VPS13A: variants seen among roughly 807,000 people sequenced by gnomAD.
VPS13A encodes the protein intermembrane lipid transfer protein VPS13A.
VPS13A carries 264 observed loss-of-function variants against 390.9 expected under a neutral mutation model. That is an observed-to-expected ratio of 0.68 (90% CI 0.61 to 0.75). The LOEUF is 0.75. VPS13A is among the 30% of genes least tolerant of loss of function. VPS13A has a pLI of 0.00. For synonymous variants in VPS13A, 1,231 were observed against 1,227.1 expected (o/e 1.00, Z -0.07); for missense variants, 3,409 against 3,733.9 (o/e 0.91, Z 2.27).
chr9:77,419,808 A>G lies in VPS13A; in HGVS notation c.*3802A>G, dbSNP rs1835293021. 6.6e-6 allele frequency: 1 copy of G among 152,200 alleles called. No individual in the cohort carries two copies. The highest frequency in any genetic ancestry group is 2.4e-5 in the African/African-American group (1 of 41,458). 9.4% of individuals were successfully genotyped at this position (152,200 alleles called of 1,614,324 possible). Reference sequence around the variant, plus strand: ...CTTTTGAGTCCGTTGAATCTGCACCATCTACCTTTTGGCTGATTCACCATA... The same window carrying G: ...CTTTTGAGTCCGTTGAATCTGCACCGTCTACCTTTTGGCTGATTCACCATA... On this transcript the variant is annotated 3_prime_UTR_variant, in exon 72 of 72. Coordinates refer to ENST00000360280, the MANE Select transcript of VPS13A (RefSeq NM_033305.3).
chr9:77,223,042 A>C (rs1459282524), intron 13 of VPS13A, among the ~76,000 whole-genome samples: 1 of 152,166 alleles, frequency 6.6e-6, no homozygotes, highest in African/African-American at 2.4e-5. Flanking sequence ...TTTTCTGTCC[A>C]TAAATCTTCC....
At chr9:77,359,669 T>G (rs1158409605) in intron 58 of VPS13A, among the ~76,000 whole-genome samples, 3 of 152,044 alleles carry the variant, frequency 2.0e-5, no homozygotes, top group Non-Finnish European at 4.4e-5. Context: ...AATACAAAAA[T>G]TAGCCAGGCG....
intron 19 of VPS13A, among the ~76,000 whole-genome samples, chr9:77,238,861 G>T (rs2131233139): frequency 6.6e-6 from 1 of 152,176 alleles, no homozygotes; most frequent in South Asian, 2.1e-4. Flanking sequence ...ATTACAGATT[G>T]AACTTTTTAA....
At chr9:77,364,341 C>T (rs1481514353) in intron 59 of VPS13A, among the ~76,000 whole-genome samples, 2 of 152,124 alleles carry the variant, frequency 1.3e-5, no homozygotes, top group Non-Finnish European at 2.9e-5. Context: ...AGGAGAATTG[C>T]TTGAACCCAG....
chr9:77,411,678 A>AAAAAAAAAAAAAAAAAAAAAAAAAT (rs1834936721), intron 71 of VPS13A, among the ~76,000 whole-genome samples: 1 of 148,026 alleles, frequency 6.8e-6, no homozygotes, highest in Non-Finnish European at 1.5e-5. Context: ...AAAAAAAAAA[A>AAAAAAAAAAAAAAAAAAAAAAAAAT]AAAAAAAGGA....
chr9:77,385,397 T>C (rs1404778687), intron 68 of VPS13A, among the ~76,000 whole-genome samples: 1 of 151,952 alleles, frequency 6.6e-6, no homozygotes, highest in Non-Finnish European at 1.5e-5. Flanking sequence ...TTGGTTTTAA[T>C]AGTCATTATA....
rs147279131 is a variant in VPS13A at position 77,354,787 on chromosome 9, C to G, written c.7652+1146C>G. Among the ~76,000 whole-genome samples, 11 of 152,216 alleles carry G rather than the reference C, an allele frequency of 7.2e-5. No homozygotes were observed. In the East Asian group the frequency reaches 2.1e-3, roughly 29 times the overall value. On this transcript the variant is annotated intron_variant, in intron 54 of 71. Coordinates refer to ENST00000360280, the MANE Select transcript of VPS13A (RefSeq NM_033305.3). ...AATTGAACCCATCAAAAGCAAACTT[C>G]CAGAGACCCATCTCACCCCCCAATA...
intron 19 of VPS13A, 58 bp from the exon 20 acceptor site, chr9:77,247,201 C>G: frequency 7.2e-7 from 1 of 1,379,766 alleles, no homozygotes; most frequent in Non-Finnish European, 1.0e-6. Flanking sequence ...TTTAGTGATT[C>G]TGTATTTCTC....
At chr9:77,275,982 T>C in intron 25 of VPS13A, 83 bp from the exon 26 acceptor site, 1 of 1,396,768 alleles carries the variant, frequency 7.2e-7, no homozygotes, top group Non-Finnish European at 1.0e-6. Flanking sequence ...TATGTATACC[T>C]CATATATTCA....
chr9:77,206,979 A>G (rs1692041152), intron 5 of VPS13A, among the ~76,000 whole-genome samples: 2 of 151,436 alleles, frequency 1.3e-5, no homozygotes, highest in Admixed American at 1.3e-4. Flanking sequence ...CAGTTACTTT[A>G]TATTATGTGT....
chr9:77,242,135 G>C (rs1370572224), intron 19 of VPS13A, among the ~76,000 whole-genome samples: 1 of 152,038 alleles, frequency 6.6e-6, no homozygotes, highest in Non-Finnish European at 1.5e-5. Context: ...CTCAGAATTT[G>C]TCCCATTTTG....
intron 70 of VPS13A, 79 bp from the exon 71 acceptor site, chr9:77,407,454 A>T: frequency 8.4e-7 from 1 of 1,189,678 alleles, no homozygotes; most frequent in Admixed American, 1.7e-5. Context: ...GGCATACAGT[A>T]ATAAAGCTTT....
intron 10 of VPS13A, among the ~76,000 whole-genome samples, chr9:77,219,579 T>C (rs1165314809): frequency 1.3e-5 from 2 of 152,196 alleles, no homozygotes; most frequent in East Asian, 1.9e-4. Context: ...AATTATATAA[T>C]GGAAACCAGT....
chr9:77,303,640 T>C (rs1828515887), intron 34 of VPS13A, among the ~76,000 whole-genome samples: 1 of 152,064 alleles, frequency 6.6e-6, no homozygotes, highest in African/African-American at 2.4e-5. Context: ...AAAAGGAATG[T>C]AGTAGGAAAG....
At position 77,247,281 on chromosome 9, in the gene VPS13A, A is replaced by G. The variant is rs1824871460; in HGVS notation, c.1923A>G (p.Thr641=). ...CAGGTCTACTGTATATTATTGAAAC[A>G]CAGAAAGTTCTTGATCTCAAAATTA... ...TATGLLYIIE[T]QKVLDLKINL... Residue 641 remains threonine (T), a synonymous_variant, in exon 20 of 72, where the codon ACA becomes ACG. Coordinates refer to ENST00000360280, the MANE Select transcript of VPS13A (RefSeq NM_033305.3). 1.9e-6 allele frequency: 3 copies of G among 1,601,300 alleles called. No homozygotes were observed. Among genetic ancestry groups the G allele is most frequent in the Non-Finnish European group, 2.6e-6 (3 of 1,172,434 alleles).
chr9:77,403,681 A>G (rs1563994630), intron 69 of VPS13A, among the ~76,000 whole-genome samples: 1 of 152,220 alleles, frequency 6.6e-6, no homozygotes, highest in Non-Finnish European at 1.5e-5. Flanking sequence ...TCTGTTTGTT[A>G]GAATATATAT....
intron 67 of VPS13A, among the ~76,000 whole-genome samples, chr9:77,372,472 A>G (rs906561244): frequency 1.1e-4 from 17 of 152,244 alleles, no homozygotes; most frequent in Middle Eastern, 3.4e-3. Flanking sequence ...TTAGGTATTG[A>G]TGGGACGTAT....
At chr9:77,413,836 T>C (rs1412680297) in intron 71 of VPS13A, among the ~76,000 whole-genome samples, 2 of 152,124 alleles carry the variant, frequency 1.3e-5, no homozygotes, top group African/African-American at 4.8e-5. Flanking sequence ...ATTTTTGCAA[T>C]CTACTCATCT....
intron 1 of VPS13A, among the ~76,000 whole-genome samples, chr9:77,179,821 A>T (rs1212071328): frequency 6.6e-6 from 1 of 151,432 alleles, no homozygotes; most frequent in East Asian, 1.9e-4. Context: ...ATATTTCAGC[A>T]CCCCAAAATT....
Sources: allele counts gnomAD v4.1 joint callset (sites outside exome capture counted in the v4.1 genomes callset), GRCh38; gene constraint gnomAD v4.1.1; transcripts MANE v1.5; gene names NCBI Gene and HGNC (gene_info 2026-07-23, HGNC 2026-07-21).